The following DLC1 variants were observed in gnomAD, a reference collection of about 807,000 sequenced individuals.
DLC1 encodes the protein DLC1 Rho GTPase activating protein.
DLC1 carries 54 observed loss-of-function variants against 140.3 expected under a neutral mutation model. The observed-to-expected ratio is 0.38, with a 90% CI of 0.31 to 0.48. DLC1 has a LOEUF of 0.48. Ranked by LOEUF, DLC1 falls within the 20% of genes least tolerant of loss-of-function variation. The pLI, the probability that DLC1 is intolerant of heterozygous loss-of-function variation, is 0.96. For missense variants in DLC1, 2,536 were observed against 1,907.0 expected (o/e 1.33, Z -6.14); for synonymous variants, 986 against 728.1 (o/e 1.35, Z -5.70).
rs533013637 is a variant in DLC1 at position 13,272,983 on chromosome 8, A to G, written c.1348+32286T>C. Reference sequence around the variant, plus strand: ...TAATTCATTCACGGTATACTAGTACATCATAATTTTATGTTTTGAATACTT... The same window carrying G: ...TAATTCATTCACGGTATACTAGTACGTCATAATTTTATGTTTTGAATACTT... On this transcript the variant is annotated intron_variant, in intron 5 of 17. Transcript: ENST00000276297. 1.2e-4 allele frequency among the ~76,000 whole-genome samples: 19 copies of G among 152,366 alleles called. No homozygotes were observed. In the South Asian group the frequency reaches 3.9e-3, roughly 32 times the overall value.
rs528333845 is a variant in DLC1 at position 13,276,486 on chromosome 8, G to C, written c.1348+28783C>G. The C allele has an allele frequency of 3.8e-5, 50 of 1,329,918 alleles. No homozygotes were observed. The Admixed American group carries it at 1.5e-3, about 41-fold the overall frequency. 82.4% of individuals were successfully genotyped at this position (1,329,918 alleles called of 1,614,324 possible). A position where few individuals can be genotyped will look rare whatever the true frequency, so the allele number is the denominator to read the frequency against. ...CGCGCTGTGCTCCCGGCCGCAGGCT[G>C]TCGCCTGCCTTCAGGAGGCCGGCAT... On this transcript the variant is annotated intron_variant, in intron 5 of 17. Transcript: ENST00000276297.
intron 4 of DLC1, among the ~76,000 whole-genome samples, chr8:13,389,206 C>T (rs912151103): frequency 6.6e-6 from 1 of 151,988 alleles, no homozygotes; most frequent in African/African-American, 2.4e-5. Flanking sequence ...TAATGAATAT[C>T]TGCACTTATA....
intron 5 of DLC1, among the ~76,000 whole-genome samples, chr8:13,188,080 ATTTTT>A (rs34182663): frequency 8.4e-6 from 1 of 119,170 alleles, no homozygotes. Flanking sequence ...AACAGTGGCA[ATTTTT>A]TTTTTTTTTT....
At chr8:13,227,457 T>A (rs1166847180) in intron 5 of DLC1, among the ~76,000 whole-genome samples, 2 of 152,144 alleles carry the variant, frequency 1.3e-5, no homozygotes, top group African/African-American at 4.8e-5. Context: ...AGGTTTGTGA[T>A]TTGCCTAATA....
At chr8:13,292,770 A>T (rs1288374376) in intron 5 of DLC1, among the ~76,000 whole-genome samples, 1 of 152,244 alleles carries the variant, frequency 6.6e-6, no homozygotes, top group Non-Finnish European at 1.5e-5. Context: ...CTTCATTTTT[A>T]AAAAATGCAT....
intron 5 of DLC1, among the ~76,000 whole-genome samples, chr8:13,138,437 T>A (rs1215942472): frequency 6.6e-6 from 1 of 152,244 alleles, no homozygotes; most frequent in African/African-American, 2.4e-5. Flanking sequence ...GGGCAACCAG[T>A]TTAAACCTCT....
chr8:13,241,958 T>C (rs970087587), intron 5 of DLC1, among the ~76,000 whole-genome samples: 1 of 152,088 alleles, frequency 6.6e-6, no homozygotes, highest in East Asian at 1.9e-4. Context: ...ATGGAAGCTT[T>C]CTTGGGGGTG....
chr8:13,587,067 GA>G (rs1805344905), intron 1 of DLC1, among the ~76,000 whole-genome samples: 1 of 122,310 alleles, frequency 8.2e-6, no homozygotes, highest in African/African-American at 3.2e-5. Context: ...CTCCACTTGG[GA>G]AAATAGTTTA....
At chr8:13,396,840 G>A (rs958926621) in intron 3 of DLC1, among the ~76,000 whole-genome samples, 9 of 151,960 alleles carry the variant, frequency 5.9e-5, no homozygotes, top group African/African-American at 1.9e-4. Context: ...TCTCACATCC[G>A]CTCCCTCCTT....
At chr8:13,314,208 A>T (rs977879274) in intron 4 of DLC1, among the ~76,000 whole-genome samples, 4 of 141,926 alleles carry the variant, frequency 2.8e-5, no homozygotes, top group African/African-American at 1.0e-4. Flanking sequence ...TACATATAAT[A>T]TATAGACATA....
chr8:13,295,265 C>T (rs557839692), intron 5 of DLC1, among the ~76,000 whole-genome samples: 1 of 152,282 alleles, frequency 6.6e-6, no homozygotes, highest in East Asian at 1.9e-4. Flanking sequence ...AGGTGTGAGT[C>T]ACAGAAACGT....
chr8:13,558,902 A>G (rs13282162), intron 1 of DLC1: 34,721 of 152,202 alleles, frequency 0.23, 4,572 homozygotes, highest in East Asian at 0.33. Flanking sequence ...TGGCCTCAAA[A>G]TTACAAATGA....
At chr8:13,360,295 A>T (rs1458731747) in intron 4 of DLC1, among the ~76,000 whole-genome samples, 1 of 152,234 alleles carries the variant, frequency 6.6e-6, no homozygotes, top group Non-Finnish European at 1.5e-5. Context: ...TTAGAATCAC[A>T]TGGAGAAATT....
At chr8:13,219,379 ATTATAT>A (rs375956961) in intron 5 of DLC1, among the ~76,000 whole-genome samples, 1 of 35,724 alleles carries the variant, frequency 2.8e-5, no homozygotes. Context: ...TACTTATATA[ATTATAT>A]TTCATATAAT....
intron 2 of DLC1, among the ~76,000 whole-genome samples, chr8:13,462,750 T>C (rs1585150567): frequency 6.6e-6 from 1 of 152,294 alleles, no homozygotes; most frequent in South Asian, 2.1e-4. Context: ...CAGATATGTC[T>C]GTTCTTTATA....
intron 1 of DLC1, among the ~76,000 whole-genome samples, chr8:13,538,463 C>T (rs1803370289): frequency 6.6e-6 from 1 of 151,928 alleles, no homozygotes; most frequent in African/African-American, 2.4e-5. Context: ...CTCCTAGGGA[C>T]TTCGAAGACG....
In DLC1 at chr8:13,099,766, G is replaced by C; in HGVS notation, c.2571C>G (p.Ser857Arg). The change falls in exon 9 of 18, where the codon AGC (serine) becomes AGG (arginine). Residue 857 changes from serine to arginine, a missense_variant. Physicochemically the swap from Ser to Arg is moderately radical, Grantham distance 110. Transcript: ENST00000276297. ...GHISLRRENS[S>R]DSPKELKRRN... ...GTCTCTTCAGTTCCTTGGGGCTGTCGCTACTGTTTTCCCTCCTGAGGCTGA... is the reference window on the plus strand; with the variant it reads ...GTCTCTTCAGTTCCTTGGGGCTGTCCCTACTGTTTTCCCTCCTGAGGCTGA... 1 of 1,614,108 alleles carries C rather than the reference G, an allele frequency of 6.2e-7. No individual in the cohort carries two copies.
intron 5 of DLC1, among the ~76,000 whole-genome samples, chr8:13,132,181 C>A (rs1372190783): frequency 6.7e-6 from 1 of 149,946 alleles, no homozygotes; most frequent in Non-Finnish European, 1.5e-5. Context: ...ATTCAGCGAC[C>A]CATCTCCGGG....
At chr8:13,165,942 A>G (rs1283787147) in intron 5 of DLC1, among the ~76,000 whole-genome samples, 1 of 152,168 alleles carries the variant, frequency 6.6e-6, no homozygotes, top group Admixed American at 6.5e-5. Flanking sequence ...GGTCACTGAT[A>G]TGATTCCTCC....
Sources: gnomAD v4.1 joint callset for allele counts (sites outside exome capture counted in the v4.1 genomes callset) on GRCh38, gnomAD v4.1.1 for gene constraint, MANE v1.5 for transcripts, NCBI Gene and HGNC (gene_info 2026-07-23, HGNC 2026-07-21) for gene names.